CCDC178: variants seen among roughly 807,000 people sequenced by gnomAD.
The protein encoded by CCDC178 is coiled-coil domain-containing protein 178.
In CCDC178, 126 loss-of-function variants were observed where a neutral mutation model predicts 117.4. The ratio of observed to expected loss-of-function variants is 1.07; its 90% CI spans 0.93 to 1.24. CCDC178 has a LOEUF of 1.24. CCDC178 is among the 50% of genes most tolerant of loss of function. The pLI is 0.00. For synonymous variants in CCDC178, 283 were observed against 313.4 expected (o/e 0.90, Z 1.02); for missense variants, 1,030 against 986.9 (o/e 1.04, Z -0.59).
intron 20 of CCDC178, among the ~76,000 whole-genome samples, chr18:33,161,652 C>G (rs916462168): frequency 3.3e-5 from 5 of 152,082 alleles, no homozygotes; most frequent in Non-Finnish European, 5.9e-5. Flanking sequence ...ATAGAGTTAT[C>G]CTATCCATTC....
At chr18:33,353,360 G>A (rs1299027256) in intron 7 of CCDC178, among the ~76,000 whole-genome samples, 1 of 151,954 alleles carries the variant, frequency 6.6e-6, no homozygotes, top group Non-Finnish European at 1.5e-5. Flanking sequence ...ATTCTACCAT[G>A]CTCTACCTTT....
chr18:33,100,530 T>C (rs1371803655), intron 20 of CCDC178, among the ~76,000 whole-genome samples: 4 of 151,928 alleles, frequency 2.6e-5, no homozygotes, highest in African/African-American at 7.2e-5. Context: ...CACATAACGA[T>C]AGTAGTTCCA....
intron 20 of CCDC178, among the ~76,000 whole-genome samples, chr18:33,186,019 T>C (rs1409724918): frequency 6.6e-6 from 1 of 152,070 alleles, no homozygotes; most frequent in African/African-American, 2.4e-5. Context: ...GCCTTAATGA[T>C]TCCATATTTC....
At chr18:33,374,280 T>C (rs1343697793) in intron 5 of CCDC178, among the ~76,000 whole-genome samples, 3 of 152,284 alleles carry the variant, frequency 2.0e-5, no homozygotes, top group African/African-American at 4.8e-5. Flanking sequence ...ACCCAGAATG[T>C]GCAGAGAAAA....
At chr18:33,256,816 C>A (rs183443162) in intron 14 of CCDC178, among the ~76,000 whole-genome samples, 1 of 152,120 alleles carries the variant, frequency 6.6e-6, no homozygotes, top group East Asian at 1.9e-4. Flanking sequence ...TTAATAGAAT[C>A]TTCAGTAGAA....
At chr18:33,293,126 C>A in intron 12 of CCDC178, 33 bp downstream of exon 12, 1 of 1,412,032 alleles carries the variant, frequency 7.1e-7, no homozygotes, top group Non-Finnish European at 9.6e-7. Context: ...AAACAAAAAT[C>A]AGTATTTTTT....
intron 20 of CCDC178, among the ~76,000 whole-genome samples, chr18:33,187,375 A>C (rs1367521000): frequency 3.3e-5 from 5 of 152,038 alleles, no homozygotes; most frequent in Non-Finnish European, 5.9e-5. Context: ...TTTTTGCAAT[A>C]GATGCAACCC....
At chr18:33,074,912 T>C (rs1008906655) in intron 21 of CCDC178, among the ~76,000 whole-genome samples, 18 of 152,184 alleles carry the variant, frequency 1.2e-4, no homozygotes, top group African/African-American at 4.3e-4. Flanking sequence ...AGATGGCAGA[T>C]ACTACAGTAT....
At chr18:33,305,632 A>G (rs1264749914) in intron 11 of CCDC178, among the ~76,000 whole-genome samples, 2 of 152,020 alleles carry the variant, frequency 1.3e-5, no homozygotes, top group Admixed American at 1.3e-4. Context: ...CTCTGTTTCT[A>G]TTTACTCCTC....
At chr18:33,220,964 TG>T (rs2059226122) in intron 18 of CCDC178, among the ~76,000 whole-genome samples, 1 of 152,034 alleles carries the variant, frequency 6.6e-6, no homozygotes. Context: ...TTTAAGCATT[TG>T]CCTATTCAGA....
chr18:32,960,544 G>A lies in CCDC178; in HGVS notation c.2523+14003C>T, dbSNP rs891662136. Among the ~76,000 whole-genome samples the A allele has an allele frequency of 4.6e-5, 7 of 152,108 alleles. No individual in the cohort carries two copies. In the South Asian group the frequency reaches 1.0e-3, roughly 22 times the overall value. On this transcript the variant is annotated intron_variant, in intron 22 of 22. Coordinates refer to ENST00000383096, the MANE Select transcript of CCDC178 (RefSeq NM_001105528.4). The stretch of plus-strand genomic sequence containing the variant: ...TTATTCAACTTTCTTGTCAGGATAC[G>A]TCTAGGTGCTAGTCTAGGTTCTATA...
chr18:33,122,652 G>A (rs1163825099), intron 20 of CCDC178, among the ~76,000 whole-genome samples: 1 of 152,018 alleles, frequency 6.6e-6, no homozygotes, highest in Non-Finnish European at 1.5e-5. Flanking sequence ...GATGATAAAT[G>A]AGCAACAATG....
intron 2 of CCDC178, among the ~76,000 whole-genome samples, chr18:33,414,494 C>T (rs1045044715): frequency 2.0e-5 from 3 of 152,104 alleles, no homozygotes; most frequent in African/African-American, 7.2e-5. Context: ...ACTGGCTAGC[C>T]ACAGGTAGAA....
chr18:33,097,160 C>T (rs1598880080), intron 20 of CCDC178, among the ~76,000 whole-genome samples: 2 of 152,096 alleles, frequency 1.3e-5, no homozygotes, highest in South Asian at 2.1e-4. Flanking sequence ...TAAGTGACTT[C>T]CCAGGCTGGC....
intron 3 of CCDC178, among the ~76,000 whole-genome samples, chr18:33,408,710 A>G (rs2063813132): frequency 6.6e-6 from 1 of 152,150 alleles, no homozygotes; most frequent in Non-Finnish European, 1.5e-5. Flanking sequence ...ACTATTCTGT[A>G]AAAAAATTCA....
intron 20 of CCDC178, among the ~76,000 whole-genome samples, chr18:33,100,459 G>A (rs1272562671): frequency 1.3e-5 from 2 of 151,922 alleles, no homozygotes; most frequent in Admixed American, 1.3e-4. Context: ...GGGAATAGAG[G>A]CATTCACAAA....
intron 20 of CCDC178, among the ~76,000 whole-genome samples, chr18:33,110,534 T>C (rs2057766758): frequency 6.6e-6 from 1 of 151,622 alleles, no homozygotes; most frequent in South Asian, 2.1e-4. Flanking sequence ...CTTTAACATT[T>C]ATATCTGTAA....
chr18:33,210,096 A>T (rs1280865414), intron 20 of CCDC178, among the ~76,000 whole-genome samples: 1 of 152,010 alleles, frequency 6.6e-6, no homozygotes, highest in African/African-American at 2.4e-5. Flanking sequence ...ATTATCCAAA[A>T]AGCATCTATT....
chr18:33,429,353 A>G (rs773940445), intron 2 of CCDC178, among the ~76,000 whole-genome samples: 10 of 152,010 alleles, frequency 6.6e-5, no homozygotes, highest in Non-Finnish European at 1.2e-4. Flanking sequence ...GCAGAGAAGG[A>G]GGGAGGGGGA....
Sources: allele counts gnomAD v4.1 joint callset (sites outside exome capture counted in the v4.1 genomes callset), GRCh38; gene constraint gnomAD v4.1.1; transcripts MANE v1.5; gene names NCBI Gene and HGNC (gene_info 2026-07-23, HGNC 2026-07-21).